THRAP3: variants seen among roughly 807,000 people sequenced by gnomAD.
The protein encoded by THRAP3 is thyroid hormone receptor-associated protein 3.
In THRAP3, 16 loss-of-function variants were observed where a neutral mutation model predicts 101.0. The observed-to-expected ratio is 0.16, with a 90% CI of 0.11 to 0.24. The LOEUF is 0.24. Among genes scored for constraint, THRAP3 ranks in the 10% least tolerant of loss-of-function variants. The pLI is 1.00. For synonymous variants in THRAP3, 407 were observed against 422.6 expected, an observed-to-expected ratio of 0.96 and a Z score of 0.45; for missense variants, 989 against 1,202.7, an observed-to-expected ratio of 0.82 and a Z score of 2.63.
At chr1:36,261,687 G>A (rs1645448041) in intron 2 of THRAP3, among the ~76,000 whole-genome samples, 2 of 151,996 alleles carry the variant, frequency 1.3e-5, no homozygotes, top group South Asian at 4.1e-4. Flanking sequence ...GGTGGAGTTG[G>A]TGTCTCTAGA....
rs1646077659 is a variant in THRAP3 at position 36,304,704 on chromosome 1, A to G, written c.*687A>G. On this transcript the variant is annotated 3_prime_UTR_variant, in exon 12 of 12. Transcript: ENST00000354618. ...ATCACGTGGAGTTGCTCCTTACCAC[A>G]CCTCACGTGCCCCTGAGCCCTATTT... The G allele has an allele frequency of 9.2e-6, 2 of 216,460 alleles. No homozygotes were observed. The highest frequency in any genetic ancestry group is 4.5e-5 in the African/African-American group (2 of 44,242). The allele number at this position is 216,460 out of a possible 1,614,324, so 13.4% of individuals were successfully genotyped here.
chr1:36,263,509 T>C (rs1197881736), intron 2 of THRAP3, among the ~76,000 whole-genome samples: 1 of 152,216 alleles, frequency 6.6e-6, no homozygotes, highest in African/African-American at 2.4e-5. Flanking sequence ...CGTTAGTTAA[T>C]ATAGATTATA....
At chr1:36,268,412 C>G (rs1191689857) in intron 2 of THRAP3, among the ~76,000 whole-genome samples, 2 of 152,116 alleles carry the variant, frequency 1.3e-5, no homozygotes, top group African/African-American at 4.8e-5. Flanking sequence ...AAGAGCCGGT[C>G]CAGTATTTGT....
At chr1:36,277,920 C>T (rs1156659586) in intron 2 of THRAP3, among the ~76,000 whole-genome samples, 1 of 151,674 alleles carries the variant, frequency 6.6e-6, no homozygotes, top group Non-Finnish European at 1.5e-5. Context: ...CTGCCACACC[C>T]AGCTAATTTT....
chr1:36,285,808 T>C (rs571186625), intron 3 of THRAP3, among the ~76,000 whole-genome samples: 1 of 152,378 alleles, frequency 6.6e-6, no homozygotes, highest in East Asian at 1.9e-4. Flanking sequence ...TTCTTTGGTG[T>C]GTACCTGTTG....
chr1:36,282,173 A>G (rs1204566895), intron 2 of THRAP3, among the ~76,000 whole-genome samples: 1 of 151,114 alleles, frequency 6.6e-6, no homozygotes, highest in African/African-American at 2.4e-5. Flanking sequence ...TCCTCCTCCT[A>G]CCTTGGCCTC....
intron 8 of THRAP3, among the ~76,000 whole-genome samples, chr1:36,295,355 TCCTC>T (rs1645932086): frequency 6.6e-6 from 1 of 152,162 alleles, no homozygotes. Flanking sequence ...GCTCATTTCT[TCCTC>T]CCTGAGTTAC....
At chr1:36,252,927 C>CATATATATATATATATAT (rs71053916) in intron 1 of THRAP3, among the ~76,000 whole-genome samples, 1 of 76,538 alleles carries the variant, frequency 1.3e-5, no homozygotes, top group Admixed American at 1.7e-4. Flanking sequence ...TATAGATAGG[C>CATATATATATATATATAT]ATATATATAT....
chr1:36,222,797 G>T (rs550911050), upstream of THRAP3, among the ~76,000 whole-genome samples: 1 of 152,150 alleles, frequency 6.6e-6, no homozygotes. Context: ...TTTACACTGG[G>T]CATTGTATAC....
At chr1:36,226,095 T>C (rs1644958853) in intron 1 of THRAP3, among the ~76,000 whole-genome samples, 1 of 152,134 alleles carries the variant, frequency 6.6e-6, no homozygotes, top group African/African-American at 2.4e-5. Context: ...TAATACCAAA[T>C]ATATAGGTAC....
chr1:36,224,576 T>C (rs1194212018), intron 1 of THRAP3, 71 bp downstream of exon 1: 1 of 152,634 alleles, frequency 6.6e-6, no homozygotes, highest in Non-Finnish European at 1.5e-5. Context: ...TTATCTTTTT[T>C]CCCCAGCTGC....
chr1:36,229,678 G>GT (rs1339236439), intron 1 of THRAP3, among the ~76,000 whole-genome samples: 1 of 151,908 alleles, frequency 6.6e-6, no homozygotes, highest in Non-Finnish European at 1.5e-5. Context: ...TTGAGATGGA[G>GT]TTTCGCTCTT....
At chr1:36,295,374 A>G (rs1466164193) in intron 8 of THRAP3, among the ~76,000 whole-genome samples, 1 of 152,058 alleles carries the variant, frequency 6.6e-6, no homozygotes, top group Non-Finnish European at 1.5e-5. Context: ...AGTTACCTCC[A>G]TGAGACAAAT....
At chr1:36,237,002 C>T (rs1217314753) in intron 1 of THRAP3, among the ~76,000 whole-genome samples, 1 of 152,118 alleles carries the variant, frequency 6.6e-6, no homozygotes, top group African/African-American at 2.4e-5. Context: ...CATGGAGAAA[C>T]CCTGTCTCTA....
chr1:36,304,210 G>T lies in THRAP3; in HGVS notation c.*193G>T, dbSNP rs1646067512. 2 of 786,984 alleles carry T rather than the reference G, an allele frequency of 2.5e-6. No homozygotes were observed. Among genetic ancestry groups the T allele is most frequent in the Non-Finnish European group, 1.8e-6 (1 of 541,902 alleles). 48.8% of individuals were successfully genotyped at this position (786,984 alleles called of 1,614,324 possible). A position where few individuals can be genotyped will look rare whatever the true frequency, so the allele number is the denominator to read the frequency against. On this transcript the variant is annotated 3_prime_UTR_variant, in exon 12 of 12. Transcript: ENST00000354618. The stretch of plus-strand genomic sequence containing the variant: ...CTGGACAGAGGAGGCTGGCCATGGG[G>T]CCCAGGGGTCAGGCCCAGCTTTTGA...
chr1:36,211,234 G>GC, the THRAP3 span, among the ~76,000 whole-genome samples: 3 of 151,772 alleles, frequency 2.0e-5, no homozygotes, highest in African/African-American at 7.3e-5. Flanking sequence ...GGTGGCACGC[G>GC]CCTGTGTTCC....
intron 3 of THRAP3, among the ~76,000 whole-genome samples, chr1:36,285,628 T>C (rs1362738300): frequency 6.6e-6 from 1 of 152,244 alleles, no homozygotes; most frequent in African/African-American, 2.4e-5. Context: ...GGGTACTTTA[T>C]GGTCCGATAG....
chr1:36,229,461 A>G (rs1428866724), intron 1 of THRAP3, among the ~76,000 whole-genome samples: 19 of 142,278 alleles, frequency 1.3e-4, no homozygotes, highest in African/African-American at 5.0e-4. Context: ...TGTTTTAATG[A>G]TGTGCTGTAG....
intron 2 of THRAP3, among the ~76,000 whole-genome samples, chr1:36,270,436 T>C (rs746793845): frequency 6.6e-6 from 1 of 152,078 alleles, no homozygotes; most frequent in Non-Finnish European, 1.5e-5. Context: ...CACGCATGCC[T>C]GCTCTCGCAG....
Sources: allele counts gnomAD v4.1 joint callset (sites outside exome capture counted in the v4.1 genomes callset), GRCh38; gene constraint gnomAD v4.1.1; transcripts MANE v1.5; gene names NCBI Gene and HGNC (gene_info 2026-07-23, HGNC 2026-07-21).